The following KLF12 variants were observed in gnomAD, a reference collection of about 807,000 sequenced individuals.
KLF12 encodes the protein Krueppel-like factor 12.
Under a neutral mutation model 37.8 loss-of-function variants are expected in KLF12, and 9 were observed. That is an observed-to-expected ratio of 0.24 (90% confidence interval 0.14 to 0.42). KLF12 has a LOEUF of 0.42. KLF12 is among the 10% of genes least tolerant of loss of function. KLF12 has a pLI of 1.00. For synonymous variants in KLF12, 208 were observed against 202.1 expected (o/e 1.03, Z -0.25); for missense variants, 411 against 516.0 (o/e 0.80, Z 1.97).
chr13:73,719,588 C>T (rs527269505), intron 6 of KLF12, among the ~76,000 whole-genome samples: 39 of 151,878 alleles, frequency 2.6e-4, no homozygotes, highest in African/African-American at 6.3e-4. Context: ...CACACTCCTA[C>T]GCCCATTTCC....
intron 7 of KLF12, among the ~76,000 whole-genome samples, chr13:73,701,714 G>A (rs983615503): frequency 1.8e-4 from 27 of 152,154 alleles, no homozygotes; most frequent in African/African-American, 6.0e-4. Context: ...TGGGTAACGG[G>A]TGGCTAGCTG....
intron 4 of KLF12, among the ~76,000 whole-genome samples, chr13:73,825,260 T>C (rs919020811): frequency 2.6e-5 from 4 of 152,114 alleles, no homozygotes; most frequent in Non-Finnish European, 5.9e-5. Flanking sequence ...GGCCACTGCA[T>C]TGGAGTTTGT....
intron 1 of KLF12, among the ~76,000 whole-genome samples, chr13:74,045,798 G>C (rs375356315): frequency 1.3e-5 from 2 of 152,150 alleles, no homozygotes; most frequent in African/African-American, 4.8e-5. Flanking sequence ...TTGAGTGTGC[G>C]TGTGTGTCAC....
At chr13:74,077,932 T>G (rs1874658658) in intron 1 of KLF12, among the ~76,000 whole-genome samples, 2 of 152,210 alleles carry the variant, frequency 1.3e-5, no homozygotes, top group African/African-American at 4.8e-5. Context: ...ACTTCTAAAT[T>G]AAGTCCTCCG....
intron 1 of KLF12, among the ~76,000 whole-genome samples, chr13:74,034,098 T>C (rs1213702045): frequency 6.6e-6 from 1 of 152,210 alleles, no homozygotes; most frequent in Non-Finnish European, 1.5e-5. Context: ...AGTCTCGCTC[T>C]GTCACCCAGG....
At chr13:73,971,752 C>T (rs566591291) in intron 2 of KLF12, among the ~76,000 whole-genome samples, 16 of 152,258 alleles carry the variant, frequency 1.1e-4, no homozygotes, top group South Asian at 1.0e-3. Context: ...CTAACAGGCT[C>T]GGCACAATGG....
intron 1 of KLF12, among the ~76,000 whole-genome samples, chr13:74,013,725 C>T (rs549580111): frequency 6.6e-6 from 1 of 152,238 alleles, no homozygotes; most frequent in African/African-American, 2.4e-5. Context: ...ATCTATTTTA[C>T]TTGTAGGGTT....
chr13:74,170,335 T>C, the KLF12 span, among the ~76,000 whole-genome samples: 5 of 152,236 alleles, frequency 3.3e-5, no homozygotes, highest in Admixed American at 2.6e-4. Flanking sequence ...GCTGTTAAAA[T>C]AATAGCTTAC....
intron 5 of KLF12, among the ~76,000 whole-genome samples, chr13:73,773,991 C>T (rs1594075133): frequency 6.6e-6 from 1 of 152,082 alleles, no homozygotes; most frequent in Non-Finnish European, 1.5e-5. Flanking sequence ...CTCATCATTC[C>T]CTGCATTGCC....
chr13:74,002,470 G>A (rs1892305297), intron 1 of KLF12, among the ~76,000 whole-genome samples: 1 of 152,156 alleles, frequency 6.6e-6, no homozygotes, highest in Non-Finnish European at 1.5e-5. Context: ...GACCACCCCA[G>A]ACTCAGGTGA....
chr13:73,710,094 G>T (rs181335338), intron 7 of KLF12, among the ~76,000 whole-genome samples: 62 of 152,220 alleles, frequency 4.1e-4, no homozygotes, highest in Non-Finnish European at 8.2e-4. Context: ...ATTCTGTCCT[G>T]TATTTCCAGC....
At chr13:74,221,074 G>C in the KLF12 span, among the ~76,000 whole-genome samples, 6 of 149,124 alleles carry the variant, frequency 4.0e-5, no homozygotes, top group Non-Finnish European at 7.4e-5. Flanking sequence ...GTGCTATCTC[G>C]GCTCACTGCA....
intron 5 of KLF12, among the ~76,000 whole-genome samples, chr13:73,794,696 C>G (rs7987535): frequency 0.42 from 64,104 of 151,890 alleles, 14,630 homozygotes; most frequent in African/African-American, 0.6. Flanking sequence ...AAAACTTAAC[C>G]CTTCCCAGCT....
At chr13:73,783,616 G>A (rs1054069579) in intron 5 of KLF12, among the ~76,000 whole-genome samples, 5 of 152,050 alleles carry the variant, frequency 3.3e-5, no homozygotes, top group Non-Finnish European at 5.9e-5. Context: ...TATTATGCAT[G>A]AATTAAAAAA....
chr13:73,932,642 T>G (rs893022624), intron 3 of KLF12, among the ~76,000 whole-genome samples: 1 of 152,194 alleles, frequency 6.6e-6, no homozygotes, highest in African/African-American at 2.4e-5. Flanking sequence ...ATTTTGCCCA[T>G]GTGGTGACCA....
intron 3 of KLF12, among the ~76,000 whole-genome samples, chr13:73,906,172 A>G (rs1888283205): frequency 6.6e-6 from 1 of 152,190 alleles, no homozygotes; most frequent in African/African-American, 2.4e-5. Flanking sequence ...AAAATACTAA[A>G]ATAGATTTTT....
At chr13:74,141,491 T>G in the KLF12 span, among the ~76,000 whole-genome samples, 1 of 152,084 alleles carries the variant, frequency 6.6e-6, no homozygotes, top group Non-Finnish European at 1.5e-5. Flanking sequence ...CTACAAACAA[T>G]GGAAAAACCT....
At chr13:73,965,771 A>T (rs1236030828) in intron 2 of KLF12, among the ~76,000 whole-genome samples, 2 of 152,200 alleles carry the variant, frequency 1.3e-5, no homozygotes, top group African/African-American at 4.8e-5. Context: ...GCATAAGATG[A>T]CTGGAACCTC....
intron 3 of KLF12, among the ~76,000 whole-genome samples, chr13:73,888,480 G>A (rs993424458): frequency 2.0e-5 from 3 of 152,140 alleles, no homozygotes; most frequent in African/African-American, 7.2e-5. Context: ...ACAACTTGTA[G>A]CATGTATAAT....
Sources: gnomAD v4.1 joint callset for allele counts (sites outside exome capture counted in the v4.1 genomes callset) on GRCh38, gnomAD v4.1.1 for gene constraint, MANE v1.5 for transcripts, NCBI Gene and HGNC (gene_info 2026-07-23, HGNC 2026-07-21) for gene names.